RAPGEF2: variants seen among roughly 807,000 people sequenced by gnomAD.
RAPGEF2 encodes Rap guanine nucleotide exchange factor 2, also known as PDZ domain containing guanine nucleotide exchange factor (GEF) 1.
A neutral mutation model predicts 186.7 loss-of-function variants in RAPGEF2; 54 were observed. The observed-to-expected ratio is 0.29, with a 90% CI of 0.23 to 0.36. The LOEUF (loss-of-function observed/expected upper bound fraction) is 0.36. Among genes scored for constraint, RAPGEF2 ranks in the 10% least tolerant of loss-of-function variants. RAPGEF2 has a pLI of 1.00. For missense variants in RAPGEF2, 1,532 were observed against 2,045.0 expected (o/e 0.75, Z 4.84); for synonymous variants, 712 against 705.9 (o/e 1.01, Z -0.14).
At chr4:159,104,494 G>GAGAGAGAGAA (rs1737575209) in intron 1 of RAPGEF2, among the ~76,000 whole-genome samples, 1 of 76,554 alleles carries the variant, frequency 1.3e-5, no homozygotes, top group Admixed American at 1.5e-4. Flanking sequence ...CCAGCCGAGA[G>GAGAGAGAGAA]AGAGAGAGAG....
chr4:159,243,706 T>C, intron 6 of RAPGEF2, 68 bp from the exon 7 acceptor site: 1 of 1,049,590 alleles, frequency 9.5e-7, no homozygotes, highest in Non-Finnish European at 1.3e-6. Flanking sequence ...AGATGTAATA[T>C]AGCATGTCTG....
chr4:159,321,987 CT>C (rs1481988391), intron 9 of RAPGEF2, among the ~76,000 whole-genome samples: 1 of 152,202 alleles, frequency 6.6e-6, no homozygotes, highest in Non-Finnish European at 1.5e-5. Context: ...AACCAACTGA[CT>C]TGTTGGAGAA....
intron 1 of RAPGEF2, among the ~76,000 whole-genome samples, chr4:159,120,261 C>G (rs935890948): frequency 2.6e-5 from 4 of 152,222 alleles, no homozygotes; most frequent in Non-Finnish European, 5.9e-5. Flanking sequence ...CTCACGTGAT[C>G]TACATGCCTT....
At chr4:159,144,939 G>GT (rs1742774849) in intron 1 of RAPGEF2, among the ~76,000 whole-genome samples, 1 of 129,794 alleles carries the variant, frequency 7.7e-6, no homozygotes, top group Admixed American at 9.5e-5. Context: ...CCAGGCTGGA[G>GT]TGAAGAGGTA....
chr4:159,244,392 G>A (rs1266571599), intron 7 of RAPGEF2, among the ~76,000 whole-genome samples: 3 of 151,666 alleles, frequency 2.0e-5, no homozygotes, highest in Non-Finnish European at 4.4e-5. Context: ...TTTTAATTGA[G>A]GTCTGTAATA....
intron 17 of RAPGEF2, among the ~76,000 whole-genome samples, chr4:159,335,472 A>G (rs1431654672): frequency 6.6e-6 from 1 of 152,182 alleles, no homozygotes; most frequent in Non-Finnish European, 1.5e-5. Flanking sequence ...TGTCTGGATG[A>G]CAGAGATGTA....
intron 1 of RAPGEF2, among the ~76,000 whole-genome samples, chr4:159,179,715 T>C (rs1746816646): frequency 6.6e-6 from 1 of 152,030 alleles, no homozygotes; most frequent in South Asian, 2.1e-4. Flanking sequence ...GAAATAGGAG[T>C]GACCACTATG....
chr4:159,194,610 A>G (rs1272020598), intron 3 of RAPGEF2, among the ~76,000 whole-genome samples: 1 of 152,230 alleles, frequency 6.6e-6, no homozygotes, highest in African/African-American at 2.4e-5. Flanking sequence ...GACTTTAACA[A>G]ACCTTAAACA....
In RAPGEF2 at chr4:159,358,329, G is replaced by T; in HGVS notation, c.*190G>T. The T allele has an allele frequency of 1.7e-6, 1 of 575,290 alleles. No homozygotes were observed. Among genetic ancestry groups the T allele is most frequent in the South Asian group, 2.6e-5 (1 of 38,724 alleles). The allele number at this position is 575,290 out of a possible 1,614,324, so 35.6% of individuals were successfully genotyped here. On this transcript the variant is annotated 3_prime_UTR_variant, in exon 30 of 30. Transcript: ENST00000691494. ...CCCTTTGCATGTGAAATACTGTGAA[G>T]AAATTGCCCTGGCACTTTTCAGACT...
intron 3 of RAPGEF2, among the ~76,000 whole-genome samples, 164 bp downstream of exon 3, chr4:159,193,420 T>C (rs979158087): frequency 6.6e-6 from 1 of 152,210 alleles, no homozygotes; most frequent in Non-Finnish European, 1.5e-5. Flanking sequence ...AAAATAAAAG[T>C]TTACAGTTCT....
In RAPGEF2 at chr4:159,343,215, A is replaced by G; in HGVS notation, c.3130+25A>G. On this transcript the variant is annotated intron_variant, in intron 21 of 29. Transcript: ENST00000691494. ...GGTAAACATAAGGCAGAGGGTTTCCATCTTTGCTTGAAGAAGCACAGAATA... is the reference window on the plus strand; with the variant it reads ...GGTAAACATAAGGCAGAGGGTTTCCGTCTTTGCTTGAAGAAGCACAGAATA... 4 of 1,613,912 alleles carry G rather than the reference A, an allele frequency of 2.5e-6. No homozygotes were observed. The South Asian group carries it at 3.3e-5, about 13-fold the overall frequency.
intron 17 of RAPGEF2, among the ~76,000 whole-genome samples, chr4:159,335,531 G>T (rs1284853590): frequency 6.6e-6 from 1 of 152,142 alleles, no homozygotes; most frequent in Non-Finnish European, 1.5e-5. Context: ...ATCATGTAAG[G>T]TGTTAAAGTG....
At chr4:159,350,080 G>A in intron 25 of RAPGEF2, 57 bp from the exon 26 acceptor site, 6 of 1,240,628 alleles carry the variant, frequency 4.8e-6, no homozygotes, top group Non-Finnish European at 6.6e-6. Context: ...ATTCATAAAT[G>A]GTGTTTATTT....
chr4:159,313,147 CAAAAAAAACA>C (rs1370228659), intron 8 of RAPGEF2, among the ~76,000 whole-genome samples: 1 of 144,990 alleles, frequency 6.9e-6, no homozygotes, highest in Admixed American at 7.1e-5. Flanking sequence ...GACTCTGTCT[CAAAAAAAACA>C]AAAAGAAAGA....
At chr4:159,284,185 G>A (rs892815042) in intron 7 of RAPGEF2, among the ~76,000 whole-genome samples, 3 of 152,036 alleles carry the variant, frequency 2.0e-5, no homozygotes, top group Non-Finnish European at 2.9e-5. Context: ...AATAACAGTT[G>A]TTTTTTTAGA....
chr4:159,268,884 T>A (rs1178705491), intron 7 of RAPGEF2, among the ~76,000 whole-genome samples: 1 of 152,208 alleles, frequency 6.6e-6, no homozygotes, highest in Non-Finnish European at 1.5e-5. Context: ...CTCATGGTGC[T>A]ACTTTTATAT....
intron 3 of RAPGEF2, among the ~76,000 whole-genome samples, chr4:159,195,904 T>TTTTC (rs1332913499): frequency 1.4e-4 from 18 of 128,890 alleles, no homozygotes; most frequent in African/African-American, 4.4e-4. Context: ...TTTTTTTTTT[T>TTTTC]CCCCAAGTAG....
chr4:159,109,199 A>G (rs1256310715), intron 1 of RAPGEF2, among the ~76,000 whole-genome samples: 2 of 152,114 alleles, frequency 1.3e-5, no homozygotes, highest in African/African-American at 4.8e-5. Flanking sequence ...TTTTATATGG[A>G]AGTAACTTTG....
At chr4:159,112,858 G>GA (rs1738644109) in intron 1 of RAPGEF2, among the ~76,000 whole-genome samples, 1 of 151,786 alleles carries the variant, frequency 6.6e-6, no homozygotes, top group African/African-American at 2.4e-5. Flanking sequence ...AACTATAAAG[G>GA]AAAAAATCAA....
Sources: gnomAD v4.1 joint callset for allele counts (sites outside exome capture counted in the v4.1 genomes callset) on GRCh38, gnomAD v4.1.1 for gene constraint, MANE v1.5 for transcripts, NCBI Gene and HGNC (gene_info 2026-07-23, HGNC 2026-07-21) for gene names.